The following DCC variants were observed in gnomAD, a reference collection of about 807,000 sequenced individuals.
DCC encodes the protein DCC netrin 1 receptor, also known as netrin receptor DCC.
Under a neutral mutation model 172.5 loss-of-function variants are expected in DCC, and 58 were observed. That is an observed-to-expected ratio of 0.34 (90% confidence interval 0.27 to 0.42). The LOEUF (loss-of-function observed/expected upper bound fraction) is 0.42. DCC is among the 10% of genes least tolerant of loss of function. The pLI, the probability that DCC is intolerant of heterozygous loss-of-function variation, is 1.00. For synonymous variants in DCC, 709 were observed against 644.5 expected (o/e 1.10, Z -1.52); for missense variants, 1,740 against 1,791.0 (o/e 0.97, Z 0.51).
At position 53,025,831 on chromosome 18, in the gene DCC, C is replaced by CACAT. The variant is rs1192826087; in HGVS notation, c.986-37473_986-37472insCATA. Reference sequence around the variant, plus strand: ...ACACACACACACACACACACACACACATAAAACTTCCATATCTGAGGGTAT... The same window carrying CACAT: ...ACACACACACACACACACACACACACACATATAAAACTTCCATATCTGAGGGTAT... On this transcript the variant is annotated intron_variant, in intron 5 of 28. Transcript: ENST00000442544. Among the ~76,000 whole-genome samples, 720 of 147,190 alleles carry CACAT rather than the reference C, an allele frequency of 4.9e-3. 8 individuals carry two copies. The highest frequency in any genetic ancestry group is 0.018 in the African/African-American group (694 of 39,538).
intron 7 of DCC, among the ~76,000 whole-genome samples, chr18:53,137,645 A>G (rs751504350): frequency 3.3e-5 from 5 of 152,192 alleles, no homozygotes; most frequent in Non-Finnish European, 7.3e-5. Context: ...CAGTCATCTT[A>G]GATGGCTTGG....
At chr18:52,899,224 A>G (rs1337465453) in intron 2 of DCC, among the ~76,000 whole-genome samples, 1 of 152,068 alleles carries the variant, frequency 6.6e-6, no homozygotes, top group Non-Finnish European at 1.5e-5. Context: ...ATCATAGCTT[A>G]CTGCAGCCTG....
intron 15 of DCC, among the ~76,000 whole-genome samples, chr18:53,346,217 G>A (rs970539378): frequency 6.6e-6 from 1 of 151,968 alleles, no homozygotes; most frequent in Admixed American, 6.6e-5. Flanking sequence ...GTGCTTTTAA[G>A]ACTTCTTTAA....
chr18:52,950,660 C>A (rs551895340), intron 5 of DCC, among the ~76,000 whole-genome samples: 3 of 151,772 alleles, frequency 2.0e-5, no homozygotes, highest in African/African-American at 7.2e-5. Flanking sequence ...CGTGGTGGCT[C>A]ACGCCTGTAA....
chr18:52,927,176 T>TACGTATATATAG (rs2040230364), intron 5 of DCC, among the ~76,000 whole-genome samples: 1 of 133,506 alleles, frequency 7.5e-6, no homozygotes, highest in Non-Finnish European at 1.6e-5. Context: ...TGTGTATATA[T>TACGTATATATAG]GTGTATATAT....
chr18:53,225,982 G>A (rs2056022446), intron 12 of DCC, among the ~76,000 whole-genome samples: 1 of 152,168 alleles, frequency 6.6e-6, no homozygotes, highest in Admixed American at 6.5e-5. Flanking sequence ...ATGGGGCAGA[G>A]TGGTGATGGA....
At chr18:52,449,955 C>T (rs1988250005) in intron 1 of DCC, among the ~76,000 whole-genome samples, 1 of 152,142 alleles carries the variant, frequency 6.6e-6, no homozygotes, top group South Asian at 2.1e-4. Context: ...ATAAATTACC[C>T]AGTCTTGGGT....
intron 7 of DCC, among the ~76,000 whole-genome samples, chr18:53,092,983 A>AG (rs981077194): frequency 3.3e-5 from 5 of 151,950 alleles, no homozygotes; most frequent in African/African-American, 1.2e-4. Flanking sequence ...TATTTAAAAA[A>AG]AAGTGGGCCA....
chr18:52,667,593 G>A (rs2035478274), intron 1 of DCC, among the ~76,000 whole-genome samples: 2 of 152,094 alleles, frequency 1.3e-5, no homozygotes, highest in Admixed American at 1.3e-4. Flanking sequence ...ATTTATCCAT[G>A]ACAGCTTTAG....
At chr18:53,040,404 A>G (rs2042153863) in intron 5 of DCC, among the ~76,000 whole-genome samples, 1 of 152,014 alleles carries the variant, frequency 6.6e-6, no homozygotes, top group South Asian at 2.1e-4. Context: ...TAGGAGCTAC[A>G]TAAACCGAAA....
chr18:53,053,871 C>T (rs1031697915), intron 5 of DCC, among the ~76,000 whole-genome samples: 1 of 152,038 alleles, frequency 6.6e-6, no homozygotes, highest in African/African-American at 2.4e-5. Flanking sequence ...ACAGAAAATT[C>T]GACAAAGAAA....
intron 1 of DCC, among the ~76,000 whole-genome samples, chr18:52,605,445 A>G (rs2034113999): frequency 6.6e-6 from 1 of 152,156 alleles, no homozygotes. Context: ...TACAATCGCT[A>G]AGATTAACTT....
chr18:53,183,868 A>T (rs145700827), intron 9 of DCC, among the ~76,000 whole-genome samples: 3,354 of 152,128 alleles, frequency 0.022, 40 homozygotes, highest in Middle Eastern at 0.027. Context: ...ATCCTAGAGC[A>T]AGTTTGTCAA....
At chr18:52,569,142 A>G (rs990632371) in intron 1 of DCC, among the ~76,000 whole-genome samples, 1 of 152,224 alleles carries the variant, frequency 6.6e-6, no homozygotes, top group Non-Finnish European at 1.5e-5. Flanking sequence ...CCAGCTACAT[A>G]GCCGTCCAGC....
At chr18:53,518,399 T>C (rs921366049) in intron 27 of DCC, among the ~76,000 whole-genome samples, 1 of 152,178 alleles carries the variant, frequency 6.6e-6, no homozygotes, top group African/African-American at 2.4e-5. Flanking sequence ...TGCAGCCTAA[T>C]GTTTCTCACC....
chr18:52,622,482 T>G (rs2034498229), intron 1 of DCC, among the ~76,000 whole-genome samples: 1 of 152,200 alleles, frequency 6.6e-6, no homozygotes, highest in Non-Finnish European at 1.5e-5. Flanking sequence ...TGCTCCAGGT[T>G]CCAACTATGA....
At chr18:53,319,689 G>A (rs1367038257) in intron 13 of DCC, among the ~76,000 whole-genome samples, 2 of 152,206 alleles carry the variant, frequency 1.3e-5, no homozygotes, top group Non-Finnish European at 2.9e-5. Flanking sequence ...AAATCACTGG[G>A]CAGGCCATTA....
chr18:52,806,129 G>A (rs1382053163), intron 2 of DCC, among the ~76,000 whole-genome samples: 2 of 152,132 alleles, frequency 1.3e-5, no homozygotes, highest in African/African-American at 4.8e-5. Context: ...GAAGCTTGCT[G>A]TGATGGATCA....
chr18:52,842,679 T>G (rs937899695), intron 2 of DCC, among the ~76,000 whole-genome samples: 2 of 152,182 alleles, frequency 1.3e-5, no homozygotes, highest in Non-Finnish European at 2.9e-5. Context: ...ATTCTGGAGA[T>G]GATGGGGTCC....
Sources: gnomAD v4.1 joint callset for allele counts (sites outside exome capture counted in the v4.1 genomes callset) on GRCh38, gnomAD v4.1.1 for gene constraint, MANE v1.5 for transcripts, NCBI Gene and HGNC (gene_info 2026-07-23, HGNC 2026-07-21) for gene names.